The following ZDHHC19 variants were observed in gnomAD, a reference collection of about 807,000 sequenced individuals.
ZDHHC19 encodes palmitoyltransferase ZDHHC19.
A neutral mutation model predicts 33.9 loss-of-function variants in ZDHHC19; 30 were observed. That is an observed-to-expected ratio of 0.88 (90% CI 0.66 to 1.20). The LOEUF is 1.20. Ranked by LOEUF, ZDHHC19 falls within the 50% of genes most tolerant of loss-of-function variation. The pLI is 0.00. For missense variants in ZDHHC19, 364 were observed against 401.1 expected (o/e 0.91, Z 0.79); for synonymous variants, 178 against 167.6 (o/e 1.06, Z -0.48).
chr3:196,198,216 A>C, intron 7 of ZDHHC19, 60 bp downstream of exon 7: 1 of 1,392,810 alleles, frequency 7.2e-7, no homozygotes. Flanking sequence ...ACACCCTCAC[A>C]ACCTGCAGAC....
intron 5 of ZDHHC19, chr3:196,202,381 G>T (rs1105977): frequency 0.33 from 50,222 of 152,160 alleles, 9,295 homozygotes; most frequent in African/African-American, 0.49. Context: ...TATCTCGCCT[G>T]TTCAGTAAGT....
rs1239976669 is a variant in ZDHHC19, at chr3:196,203,055, T to G, written c.688-4181A>C. Among the ~76,000 whole-genome samples the G allele has an allele frequency of 6.6e-6, 1 of 151,466 alleles. No homozygotes were observed. Among genetic ancestry groups the G allele is most frequent in the African/African-American group, 2.4e-5 (1 of 41,166 alleles). On this transcript the variant is annotated intron_variant, in intron 5 of 7. Transcript: ENST00000296326. The surrounding 1 kb of genome is among the most constrained non-coding windows in gnomAD (Gnocchi z 4.3). ...CGAGTGGCTCACCTGAGGTCAGGAG[T>G]TCGAGACCAGCCTGGCCAACATGGT...
In ZDHHC19 at chr3:196,199,906, C is replaced by T. The variant is rs181999817; in HGVS notation, c.688-1032G>A. On this transcript the variant is annotated intron_variant, in intron 5 of 7. Transcript: ENST00000296326. ...GTTGCAGTGAGCCGAGATCATGCCA[C>T]TGCACTCCAGCCTGGGCGACAGAGC... is the stretch of plus-strand genomic sequence containing the variant. Among the ~76,000 whole-genome samples, 768 of 152,044 alleles carry T rather than the reference C, an allele frequency of 5.1e-3. 23 individuals are homozygous for T. In the South Asian group the frequency reaches 0.082, roughly 16 times the overall value.
intron 5 of ZDHHC19, among the ~76,000 whole-genome samples, chr3:196,201,218 A>G (rs61099068): frequency 0.82 from 123,670 of 151,080 alleles, 50,806 homozygotes; most frequent in Middle Eastern, 0.88. Flanking sequence ...GATTACAGGC[A>G]CCCACCATCA....
intron 5 of ZDHHC19, among the ~76,000 whole-genome samples, chr3:196,199,816 G>T (rs901726525): frequency 8.6e-5 from 13 of 151,812 alleles, no homozygotes; most frequent in African/African-American, 7.3e-5. Context: ...GTGGTGGCGG[G>T]TGCCTGTGAT....
At chr3:196,206,223 T>A (rs1322193291) in intron 5 of ZDHHC19, among the ~76,000 whole-genome samples, 1 of 151,822 alleles carries the variant, frequency 6.6e-6, no homozygotes, top group African/African-American at 2.4e-5. Flanking sequence ...GGCTAATTTT[T>A]GTATTTTTAG....
chr3:196,198,759 A>G, intron 6 of ZDHHC19, 30 bp downstream of exon 6: 3 of 1,612,660 alleles, frequency 1.9e-6, no homozygotes, highest in African/African-American at 1.3e-5. Context: ...CCCAGGGTTC[A>G]CCAGTTGGGC....
In ZDHHC19 at chr3:196,211,354, C is replaced by T. The variant is rs1297517503; in HGVS notation, c.-39G>A. On this transcript the variant is annotated 5_prime_UTR_variant, in exon 1 of 8. The change creates a new upstream start codon in the 5' untranslated region. Coordinates refer to ENST00000296326, the MANE Select transcript of ZDHHC19 (RefSeq NM_001039617.2). ...TCGCCTCCAGGGGAGGTCAGAGCCA[C>T]CAGGCTTCCTCCCCCAGCCCAGCTT... is the stretch of plus-strand genomic sequence containing the variant. 6.4e-7 allele frequency: 1 copy of T among 1,560,664 alleles called. No individual in the cohort carries two copies. The highest frequency in any genetic ancestry group is 2.2e-5 in the East Asian group (1 of 44,458).
chr3:196,199,259 CCT>C (rs1229697544), intron 5 of ZDHHC19: 9 of 222,146 alleles, frequency 4.1e-5, no homozygotes, highest in Non-Finnish European at 8.2e-5. Flanking sequence ...TTCTCTCCCT[CCT>C]CTCTCCCCTT....
chr3:196,208,280 C>G, intron 4 of ZDHHC19, 108 bp downstream of exon 4: 3 of 805,206 alleles, frequency 3.7e-6, no homozygotes, highest in Non-Finnish European at 3.4e-6. Context: ...CCAGACTGGT[C>G]CTCCCAGGCG....
chr3:196,208,226 T>G (rs974266866), intron 4 of ZDHHC19, among the ~76,000 whole-genome samples, 162 bp downstream of exon 4: 7 of 151,596 alleles, frequency 4.6e-5, no homozygotes, highest in Admixed American at 3.9e-4. Flanking sequence ...CCGCCCCTTC[T>G]CCTAGCCCCG....
chr3:196,198,768 G>T lies in ZDHHC19; in HGVS notation c.773+21C>A, dbSNP rs567099190. Reference sequence around the variant, plus strand: ...CCCACCCCCAGGGTTCACCAGTTGGGCCTCTGGCTTGCCAACTCACTTGGG... The same window carrying T: ...CCCACCCCCAGGGTTCACCAGTTGGTCCTCTGGCTTGCCAACTCACTTGGG... On this transcript the variant is annotated intron_variant, in intron 6 of 7. Coordinates refer to ENST00000296326, the MANE Select transcript of ZDHHC19 (RefSeq NM_001039617.2). The T allele has an allele frequency of 9.3e-6, 15 of 1,613,084 alleles. No homozygotes were observed. In the African/African-American group the frequency reaches 1.7e-4, roughly 19 times the overall value.
intron 5 of ZDHHC19, among the ~76,000 whole-genome samples, chr3:196,205,332 C>T (rs80167450): frequency 0.011 from 1,652 of 152,200 alleles, 41 homozygotes; most frequent in African/African-American, 0.037. Context: ...AAGGAATAAA[C>T]GACTGCTATG....
chr3:196,199,028 C>T (rs73212105), intron 5 of ZDHHC19, 154 bp from the exon 6 acceptor site: 41,121 of 630,258 alleles, frequency 0.065, 1,617 homozygotes, highest in Middle Eastern at 0.13. Context: ...CTCCCCACCA[C>T]TGCCCCATCC....
At chr3:196,200,408 G>T (rs1288303857) in intron 5 of ZDHHC19, among the ~76,000 whole-genome samples, 3 of 144,038 alleles carry the variant, frequency 2.1e-5, no homozygotes, top group South Asian at 2.2e-4. Context: ...AGGCTGGAGT[G>T]CAGTGGCGCG....
intron 5 of ZDHHC19, among the ~76,000 whole-genome samples, chr3:196,201,950 C>A (rs929702384): frequency 6.6e-6 from 1 of 152,002 alleles, no homozygotes; most frequent in Admixed American, 6.6e-5. Flanking sequence ...TTTGTCTTTT[C>A]GTCCCTCCCA....
chr3:196,203,096 C>T lies in ZDHHC19; in HGVS notation c.688-4222G>A, dbSNP rs1722487403. On this transcript the variant is annotated intron_variant, in intron 5 of 7. Coordinates refer to ENST00000296326, the MANE Select transcript of ZDHHC19 (RefSeq NM_001039617.2). This position sits in a 1 kb window ranked among gnomAD's most constrained non-coding sequence, Gnocchi z 4.3. Reference sequence around the variant, plus strand: ...CCAACATGGTGAAACCCCGTCTCTACTAAAAATACAAAAAATCAGGTGGGC... The same window carrying T: ...CCAACATGGTGAAACCCCGTCTCTATTAAAAATACAAAAAATCAGGTGGGC... Among the ~76,000 whole-genome samples the T allele has an allele frequency of 6.6e-6, 1 of 151,904 alleles. No individual in the cohort carries two copies. Among genetic ancestry groups the T allele is most frequent in the Admixed American group, 6.6e-5 (1 of 15,234 alleles).
intron 5 of ZDHHC19, among the ~76,000 whole-genome samples, chr3:196,200,327 G>GATATAT (rs374551956): frequency 0.017 from 2,042 of 116,704 alleles, 32 homozygotes; most frequent in African/African-American, 0.031. Flanking sequence ...AAAATTTAGG[G>GATATAT]ATATATATAT....
chr3:196,210,345 AG>A (rs60428806), intron 2 of ZDHHC19, among the ~76,000 whole-genome samples: 49,056 of 117,924 alleles, frequency 0.42, 11,254 homozygotes, highest in Admixed American at 0.5. Flanking sequence ...AAGAAAGAAA[AG>A]AGAAAGAAAG....
Sources: allele counts gnomAD v4.1 joint callset (sites outside exome capture counted in the v4.1 genomes callset), GRCh38; gene constraint gnomAD v4.1.1; non-coding constraint Gnocchi (gnomAD v3.1); transcripts MANE v1.5; gene names NCBI Gene and HGNC (gene_info 2026-07-23, HGNC 2026-07-21).